CNOT4: variants seen among roughly 807,000 people sequenced by gnomAD.
CNOT4 encodes the protein CCR4-associated factor 4.
A neutral mutation model predicts 73.8 loss-of-function variants in CNOT4; 8 were observed. That is an observed-to-expected ratio of 0.11 (90% CI 0.06 to 0.20). CNOT4 has a LOEUF of 0.20. Ranked by LOEUF, CNOT4 falls within the 10% of genes least tolerant of loss-of-function variation. The probability of loss-of-function intolerance (pLI) is 1.00; values close to 1 mark genes in which losing one functional copy is unlikely to be tolerated. For synonymous variants in CNOT4, 293 were observed against 321.1 expected, an observed-to-expected ratio of 0.91 and a Z score of 0.94; for missense variants, 564 against 883.4, an observed-to-expected ratio of 0.64 and a Z score of 4.58.
chr7:135,504,846 T>C (rs2129488328), intron 1 of CNOT4, among the ~76,000 whole-genome samples: 1 of 151,652 alleles, frequency 6.6e-6, no homozygotes, highest in Non-Finnish European at 1.5e-5. Flanking sequence ...GCCAGGCTGG[T>C]CTCGAACTCC....
intron 5 of CNOT4, among the ~76,000 whole-genome samples, chr7:135,413,929 G>C (rs1034849744): frequency 2.0e-5 from 3 of 151,892 alleles, no homozygotes; most frequent in African/African-American, 7.3e-5. Context: ...CACATAAGAA[G>C]GCAAATTCCT....
At chr7:135,421,496 C>T (rs1057206543) in intron 3 of CNOT4, among the ~76,000 whole-genome samples, 2 of 152,118 alleles carry the variant, frequency 1.3e-5, no homozygotes, top group African/African-American at 4.8e-5. Flanking sequence ...TATCCAAGGG[C>T]CTCAAGGAAA....
intron 5 of CNOT4, 90 bp downstream of exon 5, chr7:135,414,241 T>C (rs1797728140): frequency 1.7e-6 from 1 of 601,576 alleles, no homozygotes; most frequent in South Asian, 2.6e-5. Flanking sequence ...CTGTCAAATT[T>C]AATATATAAA....
intron 2 of CNOT4, among the ~76,000 whole-genome samples, chr7:135,437,310 C>A (rs1799214364): frequency 6.6e-6 from 1 of 152,186 alleles, no homozygotes; most frequent in African/African-American, 2.4e-5. Flanking sequence ...CTGCCTCAGC[C>A]TCCCAAGTAG....
chr7:135,436,466 T>C (rs781189187), intron 2 of CNOT4, among the ~76,000 whole-genome samples: 1 of 152,046 alleles, frequency 6.6e-6, no homozygotes, highest in Non-Finnish European at 1.5e-5. Flanking sequence ...TTCAATATGA[T>C]TGTCTTCTTA....
Position 135,410,531 on chromosome 7 carries a change from G to C in CNOT4, c.805C>G (p.Leu269Val). Residue 269 changes from leucine (L) to valine (V), a missense_variant, in exon 7 of 12, where the codon CTG (leucine) becomes GTG (valine). This residue lies in a region of CNOT4 where 135 missense variants were observed against 154.0 expected (regional missense o/e 0.88). Coordinates refer to ENST00000541284, the MANE Select transcript of CNOT4 (RefSeq NM_001190850.2). ...AATACTTACGTATCGTACCTCTGCAGTGGTGTCACTTTGTTCTTATTTTTA... is the reference window on the plus strand; with the variant it reads ...AATACTTACGTATCGTACCTCTGCACTGGTGTCACTTTGTTCTTATTTTTA... ...VDKNKNKVTP[L>V]QRYDTPIDKP... 1.3e-6 allele frequency: 2 copies of C among 1,546,592 alleles called. No individual in the cohort carries two copies. Among genetic ancestry groups the C allele is most frequent in the Non-Finnish European group, 1.8e-6 (2 of 1,142,604 alleles).
In CNOT4 at chr7:135,421,435, A is replaced by C. The variant is rs147313889; in HGVS notation, c.372+721T>G. ...ATCAGCTTATATTTGCCTTCTCAACAATCTAGTCAGTATCTCATGGTATAT... is the reference window on the plus strand; with the variant it reads ...ATCAGCTTATATTTGCCTTCTCAACCATCTAGTCAGTATCTCATGGTATAT... On this transcript the variant is annotated intron_variant, in intron 3 of 11. Coordinates refer to ENST00000541284, the MANE Select transcript of CNOT4 (RefSeq NM_001190850.2). Among the ~76,000 whole-genome samples, 848 of 152,276 alleles carry C rather than the reference A, an allele frequency of 5.6e-3. 5 individuals are homozygous for C. The highest frequency in any genetic ancestry group is 1.0e-2 in the Non-Finnish European group (680 of 68,024).
intron 1 of CNOT4, among the ~76,000 whole-genome samples, chr7:135,466,492 A>AT (rs60371984): frequency 6.6e-6 from 1 of 151,688 alleles, no homozygotes; most frequent in Non-Finnish European, 1.5e-5. Flanking sequence ...AAAAAAAAAA[A>AT]GTTTATAATA....
At chr7:135,388,896 T>G in intron 10 of CNOT4, 1 of 1,612,392 alleles carries the variant, frequency 6.2e-7, no homozygotes, top group Non-Finnish European at 8.5e-7. Flanking sequence ...CTTCTTCCCC[T>G]GTGGAAAAGT....
intron 1 of CNOT4, among the ~76,000 whole-genome samples, chr7:135,459,450 A>T (rs562008776): frequency 6.6e-6 from 1 of 152,148 alleles, no homozygotes; most frequent in African/African-American, 2.4e-5. Context: ...TTTTTCTCTT[A>T]TACTTCTCCC....
chr7:135,472,556 T>TATATATATAC (rs1801703151), intron 1 of CNOT4, among the ~76,000 whole-genome samples: 1 of 78,956 alleles, frequency 1.3e-5, no homozygotes. Flanking sequence ...TATATATATA[T>TATATATATAC]ATAAAGTGAT....
At chr7:135,475,535 A>G (rs896255244) in intron 1 of CNOT4, among the ~76,000 whole-genome samples, 3 of 152,246 alleles carry the variant, frequency 2.0e-5, no homozygotes, top group Admixed American at 1.3e-4. Flanking sequence ...TTACAAAATT[A>G]AGAACAAAAA....
chr7:135,484,243 C>T (rs1802575254), intron 1 of CNOT4, among the ~76,000 whole-genome samples: 1 of 151,636 alleles, frequency 6.6e-6, no homozygotes, highest in Non-Finnish European at 1.5e-5. Context: ...GTATATTTTC[C>T]CCTAACTTCA....
chr7:135,399,899 G>A (rs555397991), intron 7 of CNOT4, among the ~76,000 whole-genome samples: 2 of 152,126 alleles, frequency 1.3e-5, no homozygotes, highest in South Asian at 2.1e-4. Flanking sequence ...GAAGTATTTG[G>A]GGGAAAGAAG....
At chr7:135,381,275 C>T (rs1795833354) in intron 10 of CNOT4, among the ~76,000 whole-genome samples, 1 of 152,192 alleles carries the variant, frequency 6.6e-6, no homozygotes, top group Admixed American at 6.5e-5. Context: ...TATAAAAACA[C>T]ACACACATTC....
At chr7:135,488,671 G>A (rs1187895792) in intron 1 of CNOT4, among the ~76,000 whole-genome samples, 1 of 152,118 alleles carries the variant, frequency 6.6e-6, no homozygotes, top group Non-Finnish European at 1.5e-5. Flanking sequence ...TTCCTCGTAT[G>A]TAACTTTTTC....
At position 135,362,690 on chromosome 7, in the gene CNOT4, A is replaced by C; in HGVS notation, c.*195T>G. On this transcript the variant is annotated 3_prime_UTR_variant, in exon 12 of 12. Transcript: ENST00000541284. ...TGTCACTCAAATGCTGGATCAACAAAAATTTTTACAATTAATAAAGAGATG... is the reference window on the plus strand; with the variant it reads ...TGTCACTCAAATGCTGGATCAACAACAATTTTTACAATTAATAAAGAGATG... The C allele has an allele frequency of 1.4e-6, 1 of 731,670 alleles. No homozygotes were observed. The highest frequency in any genetic ancestry group is 2.5e-6 in the Non-Finnish European group (1 of 403,092). The allele number at this position is 731,670 out of a possible 1,614,324, so 45.3% of individuals were successfully genotyped here.
At chr7:135,382,982 T>C (rs1374484009) in intron 10 of CNOT4, among the ~76,000 whole-genome samples, 1 of 152,188 alleles carries the variant, frequency 6.6e-6, no homozygotes, top group Non-Finnish European at 1.5e-5. Context: ...CTCCTAAGTA[T>C]ACAAAATATA....
chr7:135,453,848 T>TATATATATATATATATATATATATA (rs61345541), intron 1 of CNOT4, among the ~76,000 whole-genome samples: 18 of 116,716 alleles, frequency 1.5e-4, no homozygotes, highest in Admixed American at 3.8e-4. Flanking sequence ...ATATATATAT[T>TATATATATATATATATATATATATA]ATATATATAG....
Sources: allele counts gnomAD v4.1 joint callset (sites outside exome capture counted in the v4.1 genomes callset), GRCh38; gene constraint gnomAD v4.1.1; regional missense constraint gnomAD v4.1.1; transcripts MANE v1.5; gene names NCBI Gene and HGNC (gene_info 2026-07-23, HGNC 2026-07-21).